RAF1: variants seen among roughly 807,000 people sequenced by gnomAD.
RAF1 encodes RAF proto-oncogene serine/threonine-protein kinase.
In RAF1, 27 loss-of-function variants were observed where a neutral mutation model predicts 81.1. The observed-to-expected ratio is 0.33, with a 90% CI of 0.25 to 0.46. The LOEUF is 0.46. Ranked by LOEUF, RAF1 falls within the 20% of genes least tolerant of loss-of-function variation. The probability of loss-of-function intolerance (pLI) is 1.00; values close to 1 mark genes in which losing one functional copy is unlikely to be tolerated. For missense variants in RAF1, 598 were observed against 826.0 expected (o/e 0.72, Z 3.38); for synonymous variants, 298 against 294.0 (o/e 1.01, Z -0.14).
At chr3:12,642,130 A>C (rs1320670849) in intron 1 of RAF1, among the ~76,000 whole-genome samples, 2 of 151,602 alleles carry the variant, frequency 1.3e-5, no homozygotes, top group South Asian at 2.1e-4. Context: ...CCTGGGCAAC[A>C]AGAGCAAAAC....
intron 1 of RAF1, among the ~76,000 whole-genome samples, chr3:12,631,060 C>G (rs953917905): frequency 6.6e-6 from 1 of 152,122 alleles, no homozygotes; most frequent in African/African-American, 2.4e-5. Context: ...TAACTCATGC[C>G]TCTAACCCCA....
At chr3:12,598,558 C>G (rs1297574286) in intron 11 of RAF1, among the ~76,000 whole-genome samples, 1 of 151,578 alleles carries the variant, frequency 6.6e-6, no homozygotes, top group East Asian at 1.9e-4. Context: ...CATAGTGAGA[C>G]CTTGTCTCTA....
intron 2 of RAF1, among the ~76,000 whole-genome samples, chr3:12,614,629 T>G (rs2059318041): frequency 6.6e-6 from 1 of 152,032 alleles, no homozygotes; most frequent in South Asian, 2.1e-4. Flanking sequence ...TCTCACTATA[T>G]TGCCCAGGCT....
At chr3:12,643,751 A>T (rs980970956) in intron 1 of RAF1, among the ~76,000 whole-genome samples, 40 of 152,036 alleles carry the variant, frequency 2.6e-4, no homozygotes, top group African/African-American at 8.2e-4. Flanking sequence ...AAAAAAAAAT[A>T]AAAATAAAAA....
chr3:12,612,079 A>C lies in RAF1; in HGVS notation c.208-17T>G. On this transcript the variant is annotated splice_polypyrimidine_tract_variant and intron_variant, in intron 2 of 17. Transcript: ENST00000442415. Reference sequence around the variant, plus strand: ...CACATTGACCTACAAACAAAGGACCACCTTTAGGACCAACACAGGCTGCAG... The same window carrying C: ...CACATTGACCTACAAACAAAGGACCCCCTTTAGGACCAACACAGGCTGCAG... 1 of 1,593,586 alleles carries C rather than the reference A, an allele frequency of 6.3e-7. No individual in the cohort carries two copies. Among genetic ancestry groups the C allele is most frequent in the Non-Finnish European group, 8.6e-7 (1 of 1,161,498 alleles).
chr3:12,648,572 A>T, intron 1 of RAF1, among the ~76,000 whole-genome samples: 1 of 152,152 alleles, frequency 6.6e-6, no homozygotes, highest in African/African-American at 2.4e-5. Flanking sequence ...CATCTTACCA[A>T]AGCAGTTTCA....
Position 12,599,663 on chromosome 3 carries a change from G to A in RAF1, c.1168+28C>T, listed in dbSNP as rs528413532. On this transcript the variant is annotated intron_variant, in intron 11 of 17. Coordinates refer to ENST00000442415, the MANE Select transcript of RAF1 (RefSeq NM_001354689.3). ...CTTGACTTCACACCAAAGCCCTGCA[G>A]TTAGTAAAGGGAGGGCCCCAAGCTT... 3.2e-6 allele frequency: 5 copies of A among 1,566,262 alleles called. No homozygotes were observed. In the East Asian group the frequency reaches 9.0e-5, roughly 28 times the overall value.
At position 12,663,976 on chromosome 3, in the gene RAF1, C is replaced by G. The variant is rs1378597748; in HGVS notation, c.-190G>C. 2.0e-5 allele frequency: 8 copies of G among 398,434 alleles called. No homozygotes were observed. The highest frequency in any genetic ancestry group is 4.1e-5 in the African/African-American group (2 of 48,636). The allele number at this position is 398,434 out of a possible 1,614,324, so 24.7% of individuals were successfully genotyped here. Reference sequence around the variant, plus strand: ...CCCCCGCATCGTAGCAAACGCGCTCCGCGCCTCAGGGCACGCGCCCCAAAG... The same window carrying G: ...CCCCCGCATCGTAGCAAACGCGCTCGGCGCCTCAGGGCACGCGCCCCAAAG... On this transcript the variant is annotated 5_prime_UTR_variant, in exon 1 of 18. Transcript: ENST00000442415.
At chr3:12,658,692 C>T (rs761893935) in intron 1 of RAF1, among the ~76,000 whole-genome samples, 2 of 152,306 alleles carry the variant, frequency 1.3e-5, no homozygotes, top group African/African-American at 4.8e-5. Flanking sequence ...ACCTCTAAAT[C>T]ATAAAGATTT....
intron 11 of RAF1, among the ~76,000 whole-genome samples, chr3:12,593,805 T>TTTC (rs1491255691): frequency 7.2e-6 from 1 of 138,354 alleles, no homozygotes. Flanking sequence ...TTTTTTTTTT[T>TTTC]CTTTTTTAGA....
intron 1 of RAF1, among the ~76,000 whole-genome samples, chr3:12,641,767 C>G (rs776730244): frequency 1.4e-4 from 21 of 152,068 alleles, no homozygotes; most frequent in Non-Finnish European, 2.5e-4. Flanking sequence ...GCTGGGATTA[C>G]ACATGTGAAC....
At chr3:12,626,821 C>T (rs181944033) in intron 1 of RAF1, among the ~76,000 whole-genome samples, 2 of 151,358 alleles carry the variant, frequency 1.3e-5, no homozygotes, top group South Asian at 2.1e-4. Flanking sequence ...GTCAGGAGTT[C>T]GAGATCAGCC....
At chr3:12,653,738 CAA>C (rs796348917) in intron 1 of RAF1, among the ~76,000 whole-genome samples, 1 of 141,624 alleles carries the variant, frequency 7.1e-6, no homozygotes. Context: ...GACTATGTCT[CAA>C]AAAAAAAAAA....
At chr3:12,585,323 C>T (rs2125323933) in intron 15 of RAF1, 70 bp from the exon 15 acceptor site, 1 of 1,604,030 alleles carries the variant, frequency 6.2e-7, no homozygotes, top group Non-Finnish European at 8.5e-7. Flanking sequence ...ATCTAGGGGC[C>T]AGGCTGTCCC....
intron 8 of RAF1, among the ~76,000 whole-genome samples, chr3:12,602,699 A>G (rs1396780203): frequency 6.6e-6 from 1 of 152,194 alleles, no homozygotes; most frequent in Admixed American, 6.5e-5. Context: ...CTGGTATATT[A>G]TTGTATTATC....
chr3:12,586,443 C>T (rs1445927176), intron 14 of RAF1, among the ~76,000 whole-genome samples: 1 of 152,090 alleles, frequency 6.6e-6, no homozygotes, highest in Non-Finnish European at 1.5e-5. Context: ...AAAAACAAAA[C>T]ACACACAAAG....
intron 1 of RAF1, among the ~76,000 whole-genome samples, chr3:12,641,991 C>CA (rs201028909): frequency 6.6e-6 from 1 of 151,662 alleles, no homozygotes; most frequent in South Asian, 2.1e-4. Flanking sequence ...ACTAAAAACA[C>CA]AAAAAAATTA....
intron 4 of RAF1, 32 bp from the exon 5 acceptor site, chr3:12,608,955 G>A (rs1248447924): frequency 3.1e-6 from 5 of 1,612,828 alleles, no homozygotes; most frequent in Non-Finnish European, 4.2e-6. Flanking sequence ...AAATTATGCT[G>A]AATAAATAAA....
At position 12,634,520 on chromosome 3, in the gene RAF1, G is replaced by A. The variant is rs371499691; in HGVS notation, c.-26-15773C>T. Among the ~76,000 whole-genome samples the A allele has an allele frequency of 1.3e-4, 20 of 152,258 alleles. 2 individuals carry two copies. Among genetic ancestry groups the A allele is most frequent in the Admixed American group, 3.3e-4 (5 of 15,276 alleles). Reference sequence around the variant, plus strand: ...GAAAGACTTAGGATATAGGAAACGGGACATCCAGCATAGGAAAGAAGCGAA... The same window carrying A: ...GAAAGACTTAGGATATAGGAAACGGAACATCCAGCATAGGAAAGAAGCGAA... On this transcript the variant is annotated intron_variant, in intron 1 of 17. Coordinates refer to ENST00000442415, the MANE Select transcript of RAF1 (RefSeq NM_001354689.3).
Sources: allele counts gnomAD v4.1 joint callset (sites outside exome capture counted in the v4.1 genomes callset), GRCh38; gene constraint gnomAD v4.1.1; transcripts MANE v1.5; gene names NCBI Gene and HGNC (gene_info 2026-07-23, HGNC 2026-07-21).